Variants in MAGI1 observed in about 807,000 individuals in gnomAD.
The protein encoded by MAGI1 is membrane-associated guanylate kinase, WW and PDZ domain-containing protein 1.
In MAGI1, 58 loss-of-function variants were observed where a neutral mutation model predicts 139.9. That is an observed-to-expected ratio of 0.41 (90% CI 0.34 to 0.52). The LOEUF (loss-of-function observed/expected upper bound fraction) is 0.52, where lower values mean the gene tolerates loss of function less well. Ranked by LOEUF, MAGI1 falls within the 20% of genes least tolerant of loss-of-function variation. The pLI, the probability that MAGI1 is intolerant of heterozygous loss-of-function variation, is 0.12. For synonymous variants in MAGI1, 812 were observed against 737.9 expected (o/e 1.10, Z -1.63); for missense variants, 1,874 against 1,901.6 (o/e 0.99, Z 0.27).
chr3:65,733,068 T>G (rs189991223), intron 1 of MAGI1, among the ~76,000 whole-genome samples: 37 of 152,312 alleles, frequency 2.4e-4, no homozygotes, highest in Admixed American at 2.2e-3. Flanking sequence ...TTTGTTTGTT[T>G]TTTTTGAGAT....
intron 2 of MAGI1, among the ~76,000 whole-genome samples, chr3:65,523,250 A>G (rs2107808163): frequency 6.6e-6 from 1 of 152,260 alleles, no homozygotes; most frequent in South Asian, 2.1e-4. Flanking sequence ...CATTTATCTC[A>G]AGAGTAGAAA....
At chr3:65,651,143 G>A (rs577801181) in intron 1 of MAGI1, among the ~76,000 whole-genome samples, 2 of 152,116 alleles carry the variant, frequency 1.3e-5, no homozygotes, top group South Asian at 2.1e-4. Context: ...CATGAAGATC[G>A]GCATTTGCCT....
chr3:65,950,059 C>CAAAAAAAAAAAAAAAAAAAA (rs1264298678), intron 1 of MAGI1, among the ~76,000 whole-genome samples: 2 of 13,458 alleles, frequency 1.5e-4, no homozygotes, highest in African/African-American at 4.3e-4. Flanking sequence ...AAAAAAAAAA[C>CAAAAAAAAAAAAAAAAAAAA]AAAAAAACAA....
intron 1 of MAGI1, among the ~76,000 whole-genome samples, chr3:66,032,638 G>T (rs906725577): frequency 6.6e-6 from 1 of 151,742 alleles, no homozygotes; most frequent in African/African-American, 2.4e-5. Context: ...AAGAAACAGG[G>T]CCCGTTGCGG....
intron 2 of MAGI1, among the ~76,000 whole-genome samples, chr3:65,592,253 A>G (rs1385440424): frequency 1.3e-5 from 2 of 152,236 alleles, no homozygotes. Flanking sequence ...TTATTATTAG[A>G]AAGAATAAAG....
intron 5 of MAGI1, among the ~76,000 whole-genome samples, chr3:65,458,291 T>C (rs1949534769): frequency 6.6e-6 from 1 of 152,078 alleles, no homozygotes; most frequent in Admixed American, 6.5e-5. Context: ...AATATACTGA[T>C]TTCCTTTAGG....
At chr3:65,530,759 A>ATATATATACACACATATATATACACG (rs2078650283) in intron 2 of MAGI1, among the ~76,000 whole-genome samples, 2 of 10,930 alleles carry the variant, frequency 1.8e-4, no homozygotes, top group Non-Finnish European at 3.4e-4. Context: ...ATATACACGT[A>ATATATATACACACATATATATACACG]TATATATATA....
chr3:65,428,130 A>G (rs1216908778), intron 12 of MAGI1, among the ~76,000 whole-genome samples: 1 of 152,204 alleles, frequency 6.6e-6, no homozygotes, highest in Non-Finnish European at 1.5e-5. Context: ...ACACAGGTTC[A>G]TGAAAACATG....
In MAGI1 at chr3:65,844,416, G is replaced by A. The variant is rs545002239; in HGVS notation, c.313+193580C>T. 2.0e-5 allele frequency: 7 copies of A among 344,390 alleles called. No individual in the cohort carries two copies. The Admixed American group carries it at 2.4e-4, about 12-fold the overall frequency. The allele number at this position is 344,390 out of a possible 1,614,324, so 21.3% of individuals were successfully genotyped here. ...AGAAAAGGATATCCCAGAAGAAACT[G>A]AAGAAACAAAAACGTATGGCACAAG... On this transcript the variant is annotated intron_variant, in intron 1 of 22. Transcript: ENST00000402939.
intron 2 of MAGI1, among the ~76,000 whole-genome samples, chr3:65,552,149 G>A (rs1358189245): frequency 1.3e-5 from 2 of 152,162 alleles, no homozygotes; most frequent in African/African-American, 2.4e-5. Context: ...TGAGGGTTAG[G>A]AGGCAGAAAG....
chr3:65,726,482 A>T (rs568922408), intron 1 of MAGI1, among the ~76,000 whole-genome samples: 4 of 152,332 alleles, frequency 2.6e-5, no homozygotes, highest in African/African-American at 9.6e-5. Context: ...ACAGCAAGGC[A>T]GGCATATATT....
At chr3:65,430,968 C>A in intron 10 of MAGI1, 87 bp from the exon 11 acceptor site, 1 of 1,288,056 alleles carries the variant, frequency 7.8e-7, no homozygotes, top group South Asian at 1.3e-5. Context: ...ATAGATAATT[C>A]TTCACGCTTA....
chr3:65,527,909 G>T (rs1314610870), intron 2 of MAGI1, among the ~76,000 whole-genome samples: 1 of 133,016 alleles, frequency 7.5e-6, no homozygotes, highest in Non-Finnish European at 1.6e-5. Context: ...TCCATCTCAG[G>T]AAAAAAAAAA....
At chr3:65,584,116 G>T (rs531872384) in intron 2 of MAGI1, among the ~76,000 whole-genome samples, 3 of 147,384 alleles carry the variant, frequency 2.0e-5, no homozygotes, top group African/African-American at 2.5e-5. Context: ...AGGCAAACTG[G>T]CTTAAAGTGA....
chr3:65,930,133 G>A (rs1311081157), intron 1 of MAGI1, among the ~76,000 whole-genome samples: 3 of 151,178 alleles, frequency 2.0e-5, no homozygotes, highest in African/African-American at 4.9e-5. Flanking sequence ...TGGCTAACAC[G>A]GTGAAACCCT....
intron 1 of MAGI1, among the ~76,000 whole-genome samples, chr3:65,708,122 T>C (rs2030708400): frequency 6.6e-6 from 1 of 152,202 alleles, no homozygotes; most frequent in Non-Finnish European, 1.5e-5. Context: ...AAATAATCTT[T>C]AGAATCAACC....
At chr3:65,560,436 A>C (rs2080293851) in intron 2 of MAGI1, among the ~76,000 whole-genome samples, 1 of 152,222 alleles carries the variant, frequency 6.6e-6, no homozygotes, top group African/African-American at 2.4e-5. Flanking sequence ...GGACCCACGA[A>C]AATTTAAAAT....
At chr3:65,847,903 C>T (rs1239024354) in intron 1 of MAGI1, among the ~76,000 whole-genome samples, 1 of 152,168 alleles carries the variant, frequency 6.6e-6, no homozygotes. Flanking sequence ...AGCATGGTGG[C>T]TCACACCTGT....
intron 1 of MAGI1, among the ~76,000 whole-genome samples, chr3:65,876,231 AG>A (rs1242898740): frequency 6.6e-6 from 1 of 152,076 alleles, no homozygotes; most frequent in East Asian, 1.9e-4. Flanking sequence ...CTGATGCAAG[AG>A]GATCACTTGG....
Sources: allele counts gnomAD v4.1 joint callset (sites outside exome capture counted in the v4.1 genomes callset), GRCh38; gene constraint gnomAD v4.1.1; transcripts MANE v1.5; gene names NCBI Gene and HGNC (gene_info 2026-07-23, HGNC 2026-07-21).